The following CCSER1 variants were observed in gnomAD, a reference collection of about 807,000 sequenced individuals.
The protein encoded by CCSER1 is serine-rich coiled-coil domain-containing protein 1.
In CCSER1, 41 loss-of-function variants were observed where a neutral mutation model predicts 82.0. The observed-to-expected ratio is 0.50, with a 90% CI of 0.39 to 0.65. The LOEUF is 0.65. CCSER1 is among the 30% of genes least tolerant of loss of function. The pLI, the probability that CCSER1 is intolerant of heterozygous loss-of-function variation, is 0.00. For missense variants in CCSER1, 1,119 were observed against 1,064.2 expected (o/e 1.05, Z -0.72); for synonymous variants, 414 against 383.9 (o/e 1.08, Z -0.92).
At chr4:91,322,002 A>G (rs1299232238) in intron 10 of CCSER1, among the ~76,000 whole-genome samples, 1 of 152,114 alleles carries the variant, frequency 6.6e-6, no homozygotes, top group Admixed American at 6.6e-5. Context: ...TTTTATCCTT[A>G]ACATTTTAGG....
chr4:91,515,812 C>T (rs1362311957), intron 10 of CCSER1, among the ~76,000 whole-genome samples: 1 of 151,520 alleles, frequency 6.6e-6, no homozygotes, highest in Non-Finnish European at 1.5e-5. Flanking sequence ...AATTTACTCT[C>T]CTACCAGCAG....
chr4:91,246,665 TAAAG>T (rs1257443993), intron 10 of CCSER1, among the ~76,000 whole-genome samples: 1 of 152,094 alleles, frequency 6.6e-6, no homozygotes, highest in African/African-American at 2.4e-5. Context: ...AATGAATGGA[TAAAG>T]AAAATGTGGT....
At chr4:90,196,678 C>CACACAT (rs1736687694) in intron 1 of CCSER1, among the ~76,000 whole-genome samples, 1 of 151,872 alleles carries the variant, frequency 6.6e-6, no homozygotes, top group Admixed American at 6.6e-5. Context: ...CACACACACA[C>CACACAT]ACACACACAC....
At chr4:90,146,527 A>G (rs985952945) in intron 1 of CCSER1, among the ~76,000 whole-genome samples, 1 of 152,082 alleles carries the variant, frequency 6.6e-6, no homozygotes, top group South Asian at 2.1e-4. Context: ...CTCGGTTCAA[A>G]GAGCAGATCA....
intron 4 of CCSER1, among the ~76,000 whole-genome samples, chr4:90,402,665 A>G (rs1000661029): frequency 2.6e-5 from 4 of 152,220 alleles, no homozygotes; most frequent in African/African-American, 9.6e-5. Flanking sequence ...ACTACAGTTA[A>G]CATAGCAGTC....
intron 7 of CCSER1, among the ~76,000 whole-genome samples, chr4:90,753,099 G>A (rs1046357313): frequency 6.6e-6 from 1 of 152,126 alleles, no homozygotes; most frequent in Non-Finnish European, 1.5e-5. Context: ...CAACAAAGCA[G>A]TGGCTTAGAA....
intron 10 of CCSER1, among the ~76,000 whole-genome samples, chr4:91,464,430 A>G (rs1756731221): frequency 6.6e-6 from 1 of 152,220 alleles, no homozygotes; most frequent in Admixed American, 6.5e-5. Context: ...CGATGCTAAG[A>G]AGAAACTGCA....
intron 8 of CCSER1, among the ~76,000 whole-genome samples, chr4:90,865,908 G>A (rs765630578): frequency 1.3e-5 from 2 of 151,906 alleles, no homozygotes; most frequent in Non-Finnish European, 2.9e-5. Flanking sequence ...AGCATGATCG[G>A]TTATGGGGAG....
intron 6 of CCSER1, chr4:90,683,104 A>T (rs895697608): frequency 1.3e-5 from 2 of 152,284 alleles, no homozygotes; most frequent in African/African-American, 4.8e-5. Context: ...GGAAGAAAAG[A>T]TGAGAGATTA....
At chr4:90,766,695 G>A (rs944347587) in intron 7 of CCSER1, among the ~76,000 whole-genome samples, 2 of 151,970 alleles carry the variant, frequency 1.3e-5, no homozygotes, top group African/African-American at 2.4e-5. Flanking sequence ...ATGCCATCTG[G>A]TATTGAAATT....
At chr4:90,978,139 A>G (rs1033807278) in intron 9 of CCSER1, among the ~76,000 whole-genome samples, 5 of 151,654 alleles carry the variant, frequency 3.3e-5, no homozygotes, top group Non-Finnish European at 7.4e-5. Flanking sequence ...CAGGGACTGA[A>G]CTAACAGCAA....
At chr4:90,164,885 T>C (rs1730168134) in intron 1 of CCSER1, among the ~76,000 whole-genome samples, 1 of 152,240 alleles carries the variant, frequency 6.6e-6, no homozygotes, top group East Asian at 1.9e-4. Context: ...TCTTTTAGAC[T>C]TGGATTGGTG....
intron 7 of CCSER1, among the ~76,000 whole-genome samples, chr4:90,758,554 C>CTG (rs1749914188): frequency 6.6e-6 from 1 of 152,064 alleles, no homozygotes; most frequent in South Asian, 2.1e-4. Context: ...TTGAAATTTA[C>CTG]TGTTCATCTC....
chr4:90,143,360 C>T (rs1438751017), intron 1 of CCSER1, among the ~76,000 whole-genome samples: 3 of 152,002 alleles, frequency 2.0e-5, no homozygotes, highest in Non-Finnish European at 4.4e-5. Context: ...TTTAAGGTAG[C>T]TGCAATTTTA....
chr4:90,523,756 G>C (rs946101967), intron 5 of CCSER1, among the ~76,000 whole-genome samples: 1 of 152,060 alleles, frequency 6.6e-6, no homozygotes, highest in African/African-American at 2.4e-5. Flanking sequence ...ATAAATGATA[G>C]TAGACCTGAA....
At chr4:90,754,400 A>G (rs956094911) in intron 7 of CCSER1, among the ~76,000 whole-genome samples, 1 of 152,174 alleles carries the variant, frequency 6.6e-6, no homozygotes, top group African/African-American at 2.4e-5. Flanking sequence ...GGGATTTATT[A>G]GGAGTATATT....
At chr4:91,154,339 C>A (rs1206253515) in intron 10 of CCSER1, among the ~76,000 whole-genome samples, 1 of 152,076 alleles carries the variant, frequency 6.6e-6, no homozygotes, top group African/African-American at 2.4e-5. Context: ...CCTGGTATGC[C>A]ATTTGCTAAG....
chr4:90,437,577 G>A (rs1029613652), intron 4 of CCSER1, among the ~76,000 whole-genome samples: 1 of 152,030 alleles, frequency 6.6e-6, no homozygotes, highest in Non-Finnish European at 1.5e-5. Context: ...AAAATTTCCT[G>A]GTTTTGGGAA....
intron 9 of CCSER1, among the ~76,000 whole-genome samples, chr4:91,011,264 G>A (rs1179593038): frequency 7.5e-6 from 1 of 134,112 alleles, no homozygotes; most frequent in Admixed American, 7.4e-5. Context: ...AGGTTATTAA[G>A]TTCCTTCGTG....
Sources: allele counts gnomAD v4.1 joint callset (sites outside exome capture counted in the v4.1 genomes callset), GRCh38; gene constraint gnomAD v4.1.1; transcripts MANE v1.5; gene names NCBI Gene and HGNC (gene_info 2026-07-23, HGNC 2026-07-21).